ADAMTS20: variants seen among roughly 807,000 people sequenced by gnomAD.
ADAMTS20 encodes the protein A disintegrin and metalloproteinase with thrombospondin motifs 20.
Under a neutral mutation model 260.1 loss-of-function variants are expected in ADAMTS20, and 225 were observed. The observed-to-expected ratio is 0.87, with a 90% CI of 0.78 to 0.97. The LOEUF (loss-of-function observed/expected upper bound fraction) is 0.97. Among genes scored for constraint, ADAMTS20 ranks in the 50% least tolerant of loss-of-function variants. The pLI, the probability that ADAMTS20 is intolerant of heterozygous loss-of-function variation, is 0.00. For missense variants in ADAMTS20, 2,400 were observed against 2,337.7 expected, an observed-to-expected ratio of 1.03 and a Z score of -0.55; for synonymous variants, 802 against 769.5, an observed-to-expected ratio of 1.04 and a Z score of -0.70.
chr12:43,479,327 T>C (rs1361948471), intron 7 of ADAMTS20, among the ~76,000 whole-genome samples: 2 of 152,194 alleles, frequency 1.3e-5, no homozygotes, highest in African/African-American at 2.4e-5. Flanking sequence ...AATAGTTGAT[T>C]TGAACTACAC....
chr12:43,353,303 A>G (rs1039704943), downstream of ADAMTS20, among the ~76,000 whole-genome samples: 3 of 152,016 alleles, frequency 2.0e-5, no homozygotes, highest in African/African-American at 7.2e-5. Flanking sequence ...ATGCCAATAT[A>G]TTTTTATGTT....
At chr12:43,487,590 T>A (rs369536685) in intron 7 of ADAMTS20, among the ~76,000 whole-genome samples, 2 of 151,904 alleles carry the variant, frequency 1.3e-5, no homozygotes, top group East Asian at 3.9e-4. Context: ...ATAAAAAAAT[T>A]AATAAATTAA....
chr12:43,451,294 G>A (rs1403074601), intron 14 of ADAMTS20, among the ~76,000 whole-genome samples: 5 of 151,926 alleles, frequency 3.3e-5, no homozygotes, highest in South Asian at 2.1e-4. Context: ...TCTCAAACTC[G>A]CCATCCATTC....
At chr12:43,357,457 ACT>A (rs1565662738) in intron 37 of ADAMTS20, among the ~76,000 whole-genome samples, 2 of 152,132 alleles carry the variant, frequency 1.3e-5, no homozygotes, top group South Asian at 2.1e-4. Context: ...AGCTAAATAA[ACT>A]CTGTATATAT....
intron 4 of ADAMTS20, among the ~76,000 whole-genome samples, chr12:43,499,609 A>G (rs1436659072): frequency 1.3e-5 from 2 of 151,332 alleles, no homozygotes; most frequent in Non-Finnish European, 2.9e-5. Flanking sequence ...GGTTCAAGCA[A>G]TTCTCCTGCC....
intron 11 of ADAMTS20, among the ~76,000 whole-genome samples, chr12:43,454,604 A>G (rs1015167528): frequency 6.6e-6 from 1 of 152,204 alleles, no homozygotes; most frequent in African/African-American, 2.4e-5. Context: ...GCACACATGG[A>G]AAATTCACTA....
intron 16 of ADAMTS20, among the ~76,000 whole-genome samples, chr12:43,440,649 T>G (rs1941645204): frequency 6.6e-6 from 1 of 152,178 alleles, no homozygotes. Context: ...TCATGATGTA[T>G]GTAGCTTCAG....
intron 2 of ADAMTS20, among the ~76,000 whole-genome samples, chr12:43,538,861 T>C (rs748780445): frequency 6.6e-6 from 1 of 152,018 alleles, no homozygotes; most frequent in Admixed American, 6.6e-5. Context: ...GCTGCAGAAA[T>C]GAACATTTTT....
chr12:43,418,611 G>T (rs757681105), intron 28 of ADAMTS20, among the ~76,000 whole-genome samples: 3 of 152,104 alleles, frequency 2.0e-5, no homozygotes, highest in Non-Finnish European at 2.9e-5. Flanking sequence ...ACCCAGGCTC[G>T]CCAAGGGCAT....
chr12:43,361,056 T>C (rs1939856905), intron 37 of ADAMTS20, among the ~76,000 whole-genome samples: 1 of 152,266 alleles, frequency 6.6e-6, no homozygotes, highest in Non-Finnish European at 1.5e-5. Flanking sequence ...ACATATGCAT[T>C]CTAAAGTCAC....
Position 43,428,447 on chromosome 12 carries a change from C to G in ADAMTS20, c.3739G>C (p.Asp1247His). 2 of 1,613,936 alleles carry G rather than the reference C, an allele frequency of 1.2e-6. No homozygotes were observed. The highest frequency in any genetic ancestry group is 2.2e-5 in the East Asian group (1 of 44,880). The change falls in exon 26 of 39, where the codon GAT (aspartate) becomes CAT (histidine). Residue 1247 changes from aspartate (D) to histidine (H), a missense_variant. Transcript: ENST00000389420. The part of the protein sequence containing the change: ...YHQPIDENYC[D>H]PEVRPLMEQE... Reference sequence around the variant, plus strand: ...TCCATCAAAGGGCGAACTTCAGGATCACAGTAATTCTCATCAATTGGCTGA... The same window carrying G: ...TCCATCAAAGGGCGAACTTCAGGATGACAGTAATTCTCATCAATTGGCTGA...
chr12:43,493,960 T>C (rs1942642321), intron 4 of ADAMTS20, among the ~76,000 whole-genome samples: 1 of 152,206 alleles, frequency 6.6e-6, no homozygotes, highest in Non-Finnish European at 1.5e-5. Context: ...GGGCTCTGCA[T>C]GGGCTCATTT....
chr12:43,530,286 TAAG>T lies in ADAMTS20; in HGVS notation c.613+1747_613+1749del, dbSNP rs151069916. Among the ~76,000 whole-genome samples, 348 of 152,290 alleles carry T rather than the reference TAAG, an allele frequency of 2.3e-3. 5 individuals carry two copies. The highest frequency in any genetic ancestry group is 0.015 in the East Asian group (80 of 5,182). Reference sequence around the variant, plus strand: ...GAATATTACTTTGTGGTTTTCTTCTTAAGAAGCTAAACAATTCATTAAACAAGC... The same window carrying T: ...GAATATTACTTTGTGGTTTTCTTCTTAAGCTAAACAATTCATTAAACAAGC... On this transcript the variant is annotated intron_variant, in intron 3 of 38. Coordinates refer to ENST00000389420, the MANE Select transcript of ADAMTS20 (RefSeq NM_025003.5).
chr12:43,417,028 T>C (rs567018525), intron 28 of ADAMTS20, among the ~76,000 whole-genome samples: 16 of 152,334 alleles, frequency 1.1e-4, no homozygotes, highest in African/African-American at 3.4e-4. Context: ...GTTATTTGCA[T>C]GTATATTTAA....
chr12:43,537,047 G>A (rs1281336002), intron 2 of ADAMTS20, among the ~76,000 whole-genome samples: 1 of 151,800 alleles, frequency 6.6e-6, no homozygotes, highest in Non-Finnish European at 1.5e-5. Context: ...CAAATAAAAA[G>A]CATATTTTAT....
chr12:43,392,992 CATGTATTTATAAGA>C (rs1238605248), intron 29 of ADAMTS20, among the ~76,000 whole-genome samples: 3 of 152,026 alleles, frequency 2.0e-5, no homozygotes, highest in Non-Finnish European at 2.9e-5. Context: ...TTTACATTTT[CATGTATTTATAAGA>C]ACCGTTTCAT....
At chr12:43,417,038 A>G (rs1399363566) in intron 28 of ADAMTS20, among the ~76,000 whole-genome samples, 1 of 152,060 alleles carries the variant, frequency 6.6e-6, no homozygotes, top group African/African-American at 2.4e-5. Context: ...TGTATATTTA[A>G]TTTTTCCTAG....
chr12:43,353,578 C>A (rs10880470), downstream of ADAMTS20, among the ~76,000 whole-genome samples: 34,254 of 151,564 alleles, frequency 0.23, 4,620 homozygotes, highest in African/African-American at 0.37. Flanking sequence ...CCAAACATAC[C>A]TTTTTAATAC....
At chr12:43,496,736 G>A (rs1942682591) in intron 4 of ADAMTS20, among the ~76,000 whole-genome samples, 1 of 152,128 alleles carries the variant, frequency 6.6e-6, no homozygotes, top group African/African-American at 2.4e-5. Flanking sequence ...GTTGGGAAGA[G>A]TTGTGAAAGA....
Sources: gnomAD v4.1 joint callset for allele counts (sites outside exome capture counted in the v4.1 genomes callset) on GRCh38, gnomAD v4.1.1 for gene constraint, MANE v1.5 for transcripts, NCBI Gene and HGNC (gene_info 2026-07-23, HGNC 2026-07-21) for gene names.